The following RAPH1 variants were observed in gnomAD, a reference collection of about 807,000 sequenced individuals.
RAPH1 encodes the protein ras-associated and pleckstrin homology domains-containing protein 1.
RAPH1 carries 18 observed loss-of-function variants against 88.1 expected under a neutral mutation model. The observed-to-expected ratio is 0.20, with a 90% CI of 0.14 to 0.30. The LOEUF (loss-of-function observed/expected upper bound fraction) is 0.30. Among genes scored for constraint, RAPH1 ranks in the 10% least tolerant of loss-of-function variants. The pLI, the probability that RAPH1 is intolerant of heterozygous loss-of-function variation, is 1.00. For missense variants in RAPH1, 1,448 were observed against 1,543.2 expected (o/e 0.94, Z 1.03); for synonymous variants, 587 against 559.0 (o/e 1.05, Z -0.71).
chr2:203,463,446 A>G (rs897663456), intron 4 of RAPH1, among the ~76,000 whole-genome samples: 3 of 152,200 alleles, frequency 2.0e-5, no homozygotes, highest in African/African-American at 7.2e-5. Context: ...TTTATGAACT[A>G]CTTTTCTATT....
intron 4 of RAPH1, among the ~76,000 whole-genome samples, chr2:203,466,649 A>G (rs183353503): frequency 1.3e-4 from 20 of 152,312 alleles, no homozygotes; most frequent in Admixed American, 2.6e-4. Flanking sequence ...CCCTTTCTTC[A>G]CAACTATATT....
intron 7 of RAPH1, among the ~76,000 whole-genome samples, chr2:203,458,752 ACTT>A (rs1239652957): frequency 2.0e-5 from 3 of 150,902 alleles, no homozygotes; most frequent in Admixed American, 2.0e-4. Context: ...GGCTGACTGT[ACTT>A]CTTTTTCTTT....
chr2:203,494,425 G>A (rs1157651515), intron 2 of RAPH1, among the ~76,000 whole-genome samples: 2 of 152,020 alleles, frequency 1.3e-5, no homozygotes, highest in Admixed American at 6.6e-5. Context: ...ACCCAAGATC[G>A]AATAAAGCAA....
chr2:203,475,707 G>C (rs1439643991), intron 4 of RAPH1, among the ~76,000 whole-genome samples: 1 of 149,926 alleles, frequency 6.7e-6, no homozygotes, highest in Non-Finnish European at 1.5e-5. Flanking sequence ...TTCAGTTCTG[G>C]GGTCCACTCA....
At chr2:203,510,701 C>A (rs1279245526) in intron 1 of RAPH1, among the ~76,000 whole-genome samples, 1 of 151,858 alleles carries the variant, frequency 6.6e-6, no homozygotes, top group African/African-American at 2.4e-5. Context: ...CACACCTCAG[C>A]TAAAAACACT....
Position 203,438,274 on chromosome 2 carries a change from T to C in RAPH1, c.*1163A>G. The C allele has an allele frequency of 2.1e-6, 1 of 465,250 alleles. No homozygotes were observed. The highest frequency in any genetic ancestry group is 4.3e-6 in the Non-Finnish European group (1 of 232,474). 28.8% of individuals were successfully genotyped at this position (465,250 alleles called of 1,614,324 possible). A position where few individuals can be genotyped will look rare whatever the true frequency, so the allele number is the denominator to read the frequency against. The stretch of plus-strand genomic sequence containing the variant: ...TTTTTGTATTACATATTATAACCCA[T>C]ATACAACCAGATTAATGACACCTGT... On this transcript the variant is annotated 3_prime_UTR_variant, in exon 14 of 14. Transcript: ENST00000319170.
In RAPH1 at chr2:203,504,993, A is replaced by C. The variant is rs191030409; in HGVS notation, c.1-9640T>G. 1.6e-4 allele frequency among the ~76,000 whole-genome samples: 24 copies of C among 152,212 alleles called. No homozygotes were observed. In the East Asian group the frequency reaches 4.2e-3, roughly 27 times the overall value. On this transcript the variant is annotated intron_variant, in intron 1 of 13. Transcript: ENST00000319170. Reference sequence around the variant, plus strand: ...CAGCTTGGATCTTATTGTTCATATCACTATCAGCATTTTTGTCAAAGCCAT... The same window carrying C: ...CAGCTTGGATCTTATTGTTCATATCCCTATCAGCATTTTTGTCAAAGCCAT...
In RAPH1 at chr2:203,491,290, T is replaced by C. The variant is rs531272585; in HGVS notation, c.150A>G (p.Pro50=). 1.9e-6 allele frequency: 3 copies of C among 1,613,416 alleles called. No individual in the cohort carries two copies. The highest frequency in any genetic ancestry group is 1.7e-4 in the Middle Eastern group (1 of 6,060). ...CCTGGCGAAGAGGAGATCTTTTTAC[T>C]GGTTCCATGGGCTTGTCAGAATCCA... ...QSLDSDKPME[P]VKRSPLRQET... Residue 50 remains proline, a synonymous_variant, in exon 3 of 14, where the codon CCA becomes CCG. Coordinates refer to ENST00000319170, the MANE Select transcript of RAPH1 (RefSeq NM_213589.3).
intron 13 of RAPH1, chr2:203,443,027 T>TA (rs1240340576): frequency 6.6e-6 from 1 of 152,178 alleles, no homozygotes; most frequent in Non-Finnish European, 1.5e-5. Flanking sequence ...GAGTCTCTAA[T>TA]AAGGGAGTTA....
At position 203,495,229 on chromosome 2, in the gene RAPH1, C is replaced by T; in HGVS notation, c.120+5G>A. 6.2e-7 allele frequency: 1 copy of T among 1,614,010 alleles called. No individual in the cohort carries two copies. Among genetic ancestry groups the T allele is most frequent in the Non-Finnish European group, 8.5e-7 (1 of 1,179,992 alleles). On this transcript the variant is annotated splice_donor_5th_base_variant and intron_variant, in intron 2 of 13. Coordinates refer to ENST00000319170, the MANE Select transcript of RAPH1 (RefSeq NM_213589.3). ...TCCTCAACCAGTTTTTCAAGCACTACTCACCTGAGTGAGTTTGTCTAGTTC... is the reference window on the plus strand; with the variant it reads ...TCCTCAACCAGTTTTTCAAGCACTATTCACCTGAGTGAGTTTGTCTAGTTC...
chr2:203,507,186 C>T (rs1056828985), intron 1 of RAPH1, among the ~76,000 whole-genome samples: 7 of 151,272 alleles, frequency 4.6e-5, no homozygotes, highest in African/African-American at 1.7e-4. Context: ...TGTGTGCCAC[C>T]GTGCCTGGCC....
chr2:203,467,716 T>A (rs1278122449), intron 4 of RAPH1, among the ~76,000 whole-genome samples: 1 of 152,190 alleles, frequency 6.6e-6, no homozygotes, highest in Non-Finnish European at 1.5e-5. Context: ...ATTTGGGTCC[T>A]GGAAGCAATT....
At chr2:203,462,609 A>G (rs1297628201) in intron 4 of RAPH1, among the ~76,000 whole-genome samples, 2 of 152,218 alleles carry the variant, frequency 1.3e-5, no homozygotes, top group Non-Finnish European at 2.9e-5. Context: ...ATATTTTTAA[A>G]TGCTAAATAT....
chr2:203,460,559 T>C (rs995694813), intron 6 of RAPH1, among the ~76,000 whole-genome samples: 1 of 152,186 alleles, frequency 6.6e-6, no homozygotes, highest in African/African-American at 2.4e-5. Flanking sequence ...TTAATGTGCT[T>C]TGTTTCCCGA....
intron 1 of RAPH1, among the ~76,000 whole-genome samples, chr2:203,509,391 C>T (rs977770071): frequency 3.3e-5 from 5 of 152,054 alleles, no homozygotes; most frequent in East Asian, 1.9e-4. Context: ...TTAAAAAGTT[C>T]GTTAACATCA....
intron 6 of RAPH1, 99 bp downstream of exon 6, chr2:203,461,146 CATAT>C (rs149163611): frequency 3.4e-5 from 16 of 474,214 alleles, no homozygotes; most frequent in Admixed American, 9.5e-5. Context: ...AAAATAAAAA[CATAT>C]ATATATATAT....
intron 1 of RAPH1, among the ~76,000 whole-genome samples, chr2:203,511,829 C>T (rs537099296): frequency 2.4e-4 from 37 of 152,120 alleles, no homozygotes; most frequent in African/African-American, 5.5e-4. Context: ...CTTTAAGAAT[C>T]GGCCAGGCAC....
At chr2:203,459,817 T>C in intron 7 of RAPH1, 90 bp downstream of exon 7, 3 of 1,321,020 alleles carry the variant, frequency 2.3e-6, no homozygotes, top group East Asian at 2.3e-5. Context: ...ACCAGGTGTT[T>C]ACCAGTCTTT....
intron 4 of RAPH1, among the ~76,000 whole-genome samples, chr2:203,488,074 A>G (rs1360809020): frequency 6.6e-6 from 1 of 152,048 alleles, no homozygotes; most frequent in African/African-American, 2.4e-5. Flanking sequence ...ACTTTGCCCC[A>G]TTTTTCTTCT....
Sources: allele counts gnomAD v4.1 joint callset (sites outside exome capture counted in the v4.1 genomes callset), GRCh38; gene constraint gnomAD v4.1.1; transcripts MANE v1.5; gene names NCBI Gene and HGNC (gene_info 2026-07-23, HGNC 2026-07-21).